The following WWOX variants were observed in gnomAD, a reference collection of about 807,000 sequenced individuals.
WWOX encodes the protein WW domain-containing oxidoreductase.
A neutral mutation model predicts 46.2 loss-of-function variants in WWOX; 69 were observed. The observed-to-expected ratio is 1.49, with a 90% confidence interval of 1.23 to 1.82. The LOEUF (loss-of-function observed/expected upper bound fraction) is 1.82, where lower values mean the gene tolerates loss of function less well. Ranked by LOEUF, WWOX falls within the 40% of genes most tolerant of loss-of-function variation. The pLI, the probability that WWOX is intolerant of heterozygous loss-of-function variation, is 0.00. For missense variants in WWOX, 919 were observed against 542.6 expected (o/e 1.69, Z -6.89); for synonymous variants, 359 against 202.6 (o/e 1.77, Z -6.56).
intron 8 of WWOX, among the ~76,000 whole-genome samples, chr16:78,512,040 G>T (rs992290948): frequency 3.3e-5 from 5 of 152,180 alleles, no homozygotes; most frequent in Non-Finnish European, 7.3e-5. Context: ...GGGTTTTAGA[G>T]ACACTGGCTT....
chr16:78,437,704 TA>T (rs1405488260), intron 8 of WWOX, among the ~76,000 whole-genome samples: 1 of 152,206 alleles, frequency 6.6e-6, no homozygotes, highest in Non-Finnish European at 1.5e-5. Flanking sequence ...GAGTTATTTT[TA>T]AGTGTCGTTC....
chr16:78,723,326 G>C (rs1273300298), intron 8 of WWOX, among the ~76,000 whole-genome samples: 5 of 152,180 alleles, frequency 3.3e-5, no homozygotes, highest in Non-Finnish European at 7.3e-5. Context: ...CTTGGGGTCA[G>C]TGTCTGTCAA....
intron 8 of WWOX, among the ~76,000 whole-genome samples, chr16:78,907,607 G>A (rs2044999749): frequency 6.6e-6 from 1 of 152,156 alleles, no homozygotes. Context: ...GCAAGATGGG[G>A]CTAGGTTAGA....
At chr16:79,058,818 A>G (rs1367970547) in intron 8 of WWOX, among the ~76,000 whole-genome samples, 4 of 152,346 alleles carry the variant, frequency 2.6e-5, no homozygotes, top group African/African-American at 9.6e-5. Flanking sequence ...GTAAAATTCA[A>G]ATTTCAATGA....
chr16:78,771,162 G>C (rs1415540909), intron 8 of WWOX, among the ~76,000 whole-genome samples: 3 of 152,294 alleles, frequency 2.0e-5, no homozygotes, highest in South Asian at 2.1e-4. Flanking sequence ...TTAAGGGATG[G>C]AGATCCATTT....
intron 4 of WWOX, among the ~76,000 whole-genome samples, chr16:78,121,005 A>T (rs1414250054): frequency 6.6e-6 from 1 of 151,996 alleles, no homozygotes; most frequent in Admixed American, 6.5e-5. Context: ...TAGTTATTCC[A>T]AAAGGTCCCA....
intron 8 of WWOX, among the ~76,000 whole-genome samples, chr16:78,789,532 C>T (rs1473111343): frequency 6.6e-6 from 1 of 152,076 alleles, no homozygotes; most frequent in Non-Finnish European, 1.5e-5. Flanking sequence ...GCCATTGCCA[C>T]ATTGTTTTGG....
At chr16:78,803,057 C>G (rs1028670286) in intron 8 of WWOX, among the ~76,000 whole-genome samples, 4 of 150,040 alleles carry the variant, frequency 2.7e-5, no homozygotes, top group African/African-American at 9.8e-5. Context: ...GCAAGAGTAT[C>G]TAGTAGGTGC....
chr16:78,388,357 T>A (rs1474044369), intron 6 of WWOX, among the ~76,000 whole-genome samples: 3 of 152,090 alleles, frequency 2.0e-5, no homozygotes, highest in Non-Finnish European at 4.4e-5. Flanking sequence ...TTTAAAAAGT[T>A]TGCTCTCAGC....
At position 78,548,430 on chromosome 16, in the gene WWOX, T is replaced by C. The variant is rs531719326; in HGVS notation, c.1056+115678T>C. On this transcript the variant is annotated intron_variant, in intron 8 of 8. Transcript: ENST00000566780. ...TCTAAGTGATGAACATGTTAACATA[T>C]TATTTTAATCTAAAGACATCCTATC... 2.6e-5 allele frequency among the ~76,000 whole-genome samples: 4 copies of C among 152,312 alleles called. No homozygotes were observed. In the South Asian group the frequency reaches 6.2e-4, roughly 24 times the overall value.
intron 5 of WWOX, among the ~76,000 whole-genome samples, chr16:78,348,611 C>G (rs540834363): frequency 1.7e-5 from 2 of 120,126 alleles, no homozygotes; most frequent in East Asian, 3.9e-4. Context: ...GCACATGCCA[C>G]TACACCCAGT....
intron 5 of WWOX, among the ~76,000 whole-genome samples, chr16:78,310,846 G>C (rs1056744514): frequency 1.3e-5 from 2 of 152,158 alleles, no homozygotes; most frequent in Non-Finnish European, 2.9e-5. Context: ...AGCAAGAAAT[G>C]AGCCTCTGTA....
chr16:78,570,095 T>C (rs1438092434), intron 8 of WWOX, among the ~76,000 whole-genome samples: 1 of 152,226 alleles, frequency 6.6e-6, no homozygotes, highest in Non-Finnish European at 1.5e-5. Context: ...ATAACTTCTT[T>C]ATTGGTAAAA....
intron 8 of WWOX, among the ~76,000 whole-genome samples, chr16:78,458,848 G>C (rs1386559052): frequency 6.6e-6 from 1 of 152,042 alleles, no homozygotes; most frequent in Admixed American, 6.6e-5. Context: ...TTGGCAAAGG[G>C]GACAGGAGAC....
chr16:78,754,038 G>A (rs1597552574), intron 8 of WWOX, among the ~76,000 whole-genome samples: 1 of 151,478 alleles, frequency 6.6e-6, no homozygotes, highest in East Asian at 1.9e-4. Context: ...GTGAACTCTT[G>A]TAATTACTCT....
At chr16:78,817,790 G>C (rs531788632) in intron 8 of WWOX, among the ~76,000 whole-genome samples, 13 of 152,206 alleles carry the variant, frequency 8.5e-5, no homozygotes, top group African/African-American at 3.1e-4. Context: ...CCTCTGTCTT[G>C]GATGGAAAGA....
intron 8 of WWOX, among the ~76,000 whole-genome samples, chr16:78,871,380 A>T (rs923224242): frequency 6.6e-6 from 1 of 152,164 alleles, no homozygotes; most frequent in African/African-American, 2.4e-5. Context: ...AAGCCTTGTA[A>T]TGATGTTTGC....
chr16:78,686,724 A>G (rs1286752261), intron 8 of WWOX, among the ~76,000 whole-genome samples: 1 of 152,162 alleles, frequency 6.6e-6, no homozygotes, highest in African/African-American at 2.4e-5. Flanking sequence ...CCCAGTAGGC[A>G]TTTATGTTTA....
intron 8 of WWOX, among the ~76,000 whole-genome samples, chr16:78,735,394 A>G (rs796311129): frequency 1.6e-5 from 2 of 121,276 alleles, no homozygotes; most frequent in African/African-American, 6.2e-5. Context: ...ACCACACACA[A>G]ACACACACAC....
Sources: gnomAD v4.1 joint callset for allele counts (sites outside exome capture counted in the v4.1 genomes callset) on GRCh38, gnomAD v4.1.1 for gene constraint, MANE v1.5 for transcripts, NCBI Gene and HGNC (gene_info 2026-07-23, HGNC 2026-07-21) for gene names.